The following ANKRD44 variants were observed in gnomAD, a reference collection of about 807,000 sequenced individuals.
ANKRD44 encodes the protein serine/threonine-protein phosphatase 6 regulatory ankyrin repeat subunit B.
A neutral mutation model predicts 116.0 loss-of-function variants in ANKRD44; 35 were observed. The observed-to-expected ratio is 0.30, with a 90% CI of 0.23 to 0.40. The LOEUF (loss-of-function observed/expected upper bound fraction) is 0.40. ANKRD44 is among the 10% of genes least tolerant of loss of function. The pLI, the probability that ANKRD44 is intolerant of heterozygous loss-of-function variation, is 1.00. For synonymous variants in ANKRD44, 435 were observed against 461.8 expected (o/e 0.94, Z 0.74); for missense variants, 1,014 against 1,242.6 (o/e 0.82, Z 2.77).
intron 16 of ANKRD44, among the ~76,000 whole-genome samples, chr2:197,064,321 C>A (rs1384989503): frequency 6.6e-6 from 1 of 152,162 alleles, no homozygotes; most frequent in Admixed American, 6.5e-5. Context: ...TGGAAAGGAA[C>A]AACCGGTACC....
At chr2:196,990,310 T>C in intron 27 of ANKRD44, 1 of 992,366 alleles carries the variant, frequency 1.0e-6, no homozygotes, top group Non-Finnish European at 1.2e-6. Flanking sequence ...GTCACACTGA[T>C]ATACTTCTGA....
intron 1 of ANKRD44, among the ~76,000 whole-genome samples, chr2:197,278,073 C>A (rs144088121): frequency 6.6e-6 from 1 of 152,086 alleles, no homozygotes; most frequent in African/African-American, 2.4e-5. Context: ...CATCTTAACG[C>A]AGCATCTCCC....
chr2:197,141,224 T>C lies in ANKRD44; in HGVS notation c.191-4562A>G, dbSNP rs151320225. ...AGAGCAAGACTCTATCTCAAATACA[T>C]ACATACATACATACAAATCTGATTG... On this transcript the variant is annotated intron_variant, in intron 3 of 27. Transcript: ENST00000282272. 2.6e-3 allele frequency among the ~76,000 whole-genome samples: 393 copies of C among 152,190 alleles called. 7 individuals are homozygous for C. In the East Asian group the frequency reaches 0.041, roughly 16 times the overall value.
intron 9 of ANKRD44, among the ~76,000 whole-genome samples, chr2:197,105,362 C>T (rs111994794): frequency 0.055 from 8,398 of 152,274 alleles, 454 homozygotes; most frequent in African/African-American, 0.13. Context: ...ATCCACCTGC[C>T]TCAGCCTCCC....
intron 1 of ANKRD44, among the ~76,000 whole-genome samples, chr2:197,242,944 C>G (rs967495757): frequency 3.3e-5 from 5 of 152,224 alleles, no homozygotes; most frequent in African/African-American, 1.2e-4. Context: ...GCACAAGTTC[C>G]TTTGCTTCCA....
intron 7 of ANKRD44, among the ~76,000 whole-genome samples, chr2:197,122,321 A>T (rs2125326777): frequency 6.6e-6 from 1 of 152,288 alleles, no homozygotes; most frequent in African/African-American, 2.4e-5. Flanking sequence ...TTTCTGCTGT[A>T]AGTCATGACT....
In ANKRD44 at chr2:197,307,022, G is replaced by A. The variant is rs1441684241; in HGVS notation, c.27+3556C>T. Among the ~76,000 whole-genome samples the A allele has an allele frequency of 2.6e-5, 4 of 151,972 alleles. No individual in the cohort carries two copies. The South Asian group carries it at 6.2e-4, about 24-fold the overall frequency. On this transcript the variant is annotated intron_variant, in intron 1 of 27. Coordinates refer to ENST00000282272, the MANE Select transcript of ANKRD44 (RefSeq NM_001195144.2). ...CTTCATAACTCTGAAAATAAATTTC[G>A]GGTAGAGATCCAGGCTGAAGATACG...
At position 197,136,753 on chromosome 2, in the gene ANKRD44, C is replaced by G. The variant is rs1191265054; in HGVS notation, c.191-91G>C. 4 of 1,041,244 alleles carry G rather than the reference C, an allele frequency of 3.8e-6. No homozygotes were observed. The East Asian group carries it at 9.6e-5, about 25-fold the overall frequency. 64.5% of individuals were successfully genotyped at this position (1,041,244 alleles called of 1,614,324 possible). A position where few individuals can be genotyped will look rare whatever the true frequency, so the allele number is the denominator to read the frequency against. On this transcript the variant is annotated intron_variant, in intron 3 of 27. Coordinates refer to ENST00000282272, the MANE Select transcript of ANKRD44 (RefSeq NM_001195144.2). ...AAATGCTGTATCTTGCTCCCATTTG[C>G]CTGACATAACCACCACCTCTTCTTT...
chr2:197,078,680 G>GAAAAC (rs1559044784), intron 16 of ANKRD44, 23 bp downstream of exon 16: 1 of 1,607,140 alleles, frequency 6.2e-7, no homozygotes, highest in East Asian at 2.2e-5. Context: ...GTGTGTTAGA[G>GAAAAC]AAAACAAAAC....
At chr2:197,079,226 G>T (rs976039185) in intron 15 of ANKRD44, among the ~76,000 whole-genome samples, 7 of 151,766 alleles carry the variant, frequency 4.6e-5, no homozygotes, top group Middle Eastern at 3.4e-3. Flanking sequence ...AATAGGGAGG[G>T]GTTTACTCTT....
chr2:196,986,590 G>T, downstream of ANKRD44: 1 of 508,966 alleles, frequency 2.0e-6, no homozygotes, highest in Non-Finnish European at 2.5e-6. Context: ...AGTTAATTTG[G>T]CTTGAGGGGG....
At chr2:197,130,016 A>G (rs1265146928) in intron 4 of ANKRD44, among the ~76,000 whole-genome samples, 2 of 152,358 alleles carry the variant, frequency 1.3e-5, no homozygotes, top group Non-Finnish European at 2.9e-5. Flanking sequence ...AAATTTGGGT[A>G]GAATAAATAC....
At chr2:197,014,652 T>A (rs2076356329) in intron 17 of ANKRD44, among the ~76,000 whole-genome samples, 1 of 151,690 alleles carries the variant, frequency 6.6e-6, no homozygotes, top group African/African-American at 2.4e-5. Context: ...GCAGGCATGG[T>A]GGCGGTGCCT....
Position 197,025,271 on chromosome 2 carries a change from T to C in ANKRD44, c.1651-4A>G, listed in dbSNP as rs1340954399. The C allele has an allele frequency of 6.2e-7, 1 of 1,609,016 alleles. No individual in the cohort carries two copies. The highest frequency in any genetic ancestry group is 8.5e-7 in the Non-Finnish European group (1 of 1,175,960). ...CACTGTTTGTTCTTTCCAAAAGCTGTGGAGACAAAAAGCAAACAATAGTAC... is the reference window on the plus strand; with the variant it reads ...CACTGTTTGTTCTTTCCAAAAGCTGCGGAGACAAAAAGCAAACAATAGTAC... On this transcript the variant is annotated splice_region_variant and splice_polypyrimidine_tract_variant and intron_variant, in intron 16 of 27. Transcript: ENST00000282272.
intron 1 of ANKRD44, among the ~76,000 whole-genome samples, chr2:197,218,146 T>A (rs999049216): frequency 6.6e-6 from 1 of 152,148 alleles, no homozygotes; most frequent in Non-Finnish European, 1.5e-5. Context: ...GAGGTCTTCC[T>A]CTCCTAAAAT....
At chr2:197,132,538 G>A (rs1257612210) in intron 4 of ANKRD44, among the ~76,000 whole-genome samples, 1 of 152,130 alleles carries the variant, frequency 6.6e-6, no homozygotes, top group Non-Finnish European at 1.5e-5. Context: ...ATGAAAACAA[G>A]GCTCCAAAAT....
At chr2:197,096,659 A>T (rs908677162) in intron 10 of ANKRD44, among the ~76,000 whole-genome samples, 1 of 152,206 alleles carries the variant, frequency 6.6e-6, no homozygotes, top group Non-Finnish European at 1.5e-5. Flanking sequence ...ATTTGGCTAT[A>T]TTGCTTATGA....
Position 197,047,474 on chromosome 2 carries a change from A to T in ANKRD44, c.1651-22207T>A, listed in dbSNP as rs151004020. ...GAAACGGTTTGTCCATTTCACTAATAACCACTATAAATTAATGAAGAAAGA... is the reference window on the plus strand; with the variant it reads ...GAAACGGTTTGTCCATTTCACTAATTACCACTATAAATTAATGAAGAAAGA... On this transcript the variant is annotated intron_variant, in intron 16 of 27. Coordinates refer to ENST00000282272, the MANE Select transcript of ANKRD44 (RefSeq NM_001195144.2). Among the ~76,000 whole-genome samples the T allele has an allele frequency of 1.1e-3, 173 of 152,350 alleles. 1 individual carries two copies. The East Asian group carries it at 0.029, about 26-fold the overall frequency.
chr2:197,272,279 C>T (rs1646183084), intron 1 of ANKRD44, among the ~76,000 whole-genome samples: 1 of 152,194 alleles, frequency 6.6e-6, no homozygotes, highest in South Asian at 2.1e-4. Context: ...CACTCTGTCA[C>T]CCAGGCTGGA....
Sources: allele counts gnomAD v4.1 joint callset (sites outside exome capture counted in the v4.1 genomes callset), GRCh38; gene constraint gnomAD v4.1.1; transcripts MANE v1.5; gene names NCBI Gene and HGNC (gene_info 2026-07-23, HGNC 2026-07-21).